Variants in NRG3 observed in about 807,000 individuals in gnomAD.
NRG3 encodes the protein pro-neuregulin-3, membrane-bound isoform.
A neutral mutation model predicts 66.9 loss-of-function variants in NRG3; 31 were observed. The observed-to-expected ratio is 0.46, with a 90% confidence interval of 0.35 to 0.63. The LOEUF is 0.63. NRG3 is among the 20% of genes least tolerant of loss of function. The probability of loss-of-function intolerance (pLI) is 0.00; values close to 1 mark genes in which losing one functional copy is unlikely to be tolerated. For missense variants in NRG3, 910 were observed against 878.9 expected (o/e 1.04, Z -0.45); for synonymous variants, 393 against 359.4 (o/e 1.09, Z -1.06).
intron 2 of NRG3, among the ~76,000 whole-genome samples, chr10:82,494,478 C>A (rs111435620): frequency 6.6e-6 from 1 of 151,196 alleles, no homozygotes; most frequent in Admixed American, 6.6e-5. Context: ...TGTGTAAGTG[C>A]GAATGTGTGT....
chr10:81,901,066 A>G (rs185546338), intron 1 of NRG3, among the ~76,000 whole-genome samples: 1 of 152,360 alleles, frequency 6.6e-6, no homozygotes, highest in East Asian at 1.9e-4. Flanking sequence ...CCTTTTCCAC[A>G]TGGTGAAGTC....
At chr10:82,443,370 AAAAT>A (rs2090545286) in intron 2 of NRG3, among the ~76,000 whole-genome samples, 1 of 152,208 alleles carries the variant, frequency 6.6e-6, no homozygotes, top group African/African-American at 2.4e-5. Flanking sequence ...AAAAAAATAA[AAAAT>A]AATTATGTTT....
chr10:82,447,492 T>C (rs1424569904), intron 2 of NRG3, among the ~76,000 whole-genome samples: 2 of 152,232 alleles, frequency 1.3e-5, no homozygotes, highest in Non-Finnish European at 2.9e-5. Context: ...GCATATATGT[T>C]CTCCAAAATT....
rs145695714 is a variant in NRG3 at position 82,657,018 on chromosome 10, A to G, written c.954-81559A>G. Among the ~76,000 whole-genome samples the G allele has an allele frequency of 7.1e-4, 108 of 152,068 alleles. 1 individual carries two copies. The highest frequency in any genetic ancestry group is 2.6e-3 in the African/African-American group (106 of 41,496). The stretch of plus-strand genomic sequence containing the variant: ...CAGGCAGGCTTCCCCACACACCCGT[A>G]TATCTCAATTCCTACTTCCTCACCT... On this transcript the variant is annotated intron_variant, in intron 2 of 8. Transcript: ENST00000372141.
At chr10:82,351,680 A>T (rs1014193935) in intron 1 of NRG3, among the ~76,000 whole-genome samples, 1 of 152,196 alleles carries the variant, frequency 6.6e-6, no homozygotes, top group South Asian at 2.1e-4. Context: ...AAGTAAGGTA[A>T]AATTTGAGCA....
intron 4 of NRG3, among the ~76,000 whole-genome samples, chr10:82,868,720 T>A (rs1464390864): frequency 6.6e-6 from 1 of 152,118 alleles, no homozygotes; most frequent in East Asian, 1.9e-4. Context: ...TGAGATGGAG[T>A]CTCACTGTAT....
chr10:82,219,467 A>G (rs2075839083), intron 1 of NRG3, among the ~76,000 whole-genome samples: 1 of 151,926 alleles, frequency 6.6e-6, no homozygotes, highest in South Asian at 2.1e-4. Context: ...ACATCTACAT[A>G]AATGTCCATT....
intron 8 of NRG3, among the ~76,000 whole-genome samples, chr10:82,980,080 C>A (rs1456913254): frequency 6.6e-6 from 1 of 151,994 alleles, no homozygotes; most frequent in Non-Finnish European, 1.5e-5. Context: ...TAGTGTGTGC[C>A]TGTGGTCCCA....
intron 2 of NRG3, among the ~76,000 whole-genome samples, chr10:82,663,582 T>A (rs2052533693): frequency 1.3e-5 from 2 of 152,228 alleles, no homozygotes; most frequent in African/African-American, 4.8e-5. Flanking sequence ...TGGTATTCAC[T>A]GACCTTTTTG....
chr10:82,843,309 C>T (rs1308966881), intron 3 of NRG3: 1 of 445,064 alleles, frequency 2.2e-6, no homozygotes, highest in Non-Finnish European at 4.5e-6. Context: ...TCTCAAAGGA[C>T]AATTTAGCTC....
intron 1 of NRG3, among the ~76,000 whole-genome samples, chr10:81,976,475 A>G (rs2060128355): frequency 6.6e-6 from 1 of 152,208 alleles, no homozygotes; most frequent in Non-Finnish European, 1.5e-5. Context: ...TCTAGCCTAG[A>G]AGGTTCAACA....
chr10:82,407,229 A>C (rs1383579060), intron 2 of NRG3, among the ~76,000 whole-genome samples: 1 of 152,106 alleles, frequency 6.6e-6, no homozygotes, highest in Non-Finnish European at 1.5e-5. Flanking sequence ...GAACAATTAA[A>C]ATTGGAATCC....
chr10:82,581,760 C>G (rs1438432928), intron 2 of NRG3, among the ~76,000 whole-genome samples: 2 of 151,896 alleles, frequency 1.3e-5, no homozygotes, highest in Admixed American at 6.6e-5. Context: ...GTGTATTTTA[C>G]CACCAAAAAA....
intron 1 of NRG3, among the ~76,000 whole-genome samples, chr10:81,927,238 TA>T (rs1846894965): frequency 6.6e-6 from 1 of 152,202 alleles, no homozygotes; most frequent in African/African-American, 2.4e-5. Context: ...AACGCCAAAT[TA>T]TTTTTTCTGT....
chr10:82,750,522 G>T (rs988155699), intron 3 of NRG3, among the ~76,000 whole-genome samples: 2 of 152,054 alleles, frequency 1.3e-5, no homozygotes, highest in African/African-American at 4.8e-5. Context: ...ATCTCCTTAG[G>T]TCCCCTTAGG....
chr10:82,684,034 CCT>C (rs10578629), intron 2 of NRG3, among the ~76,000 whole-genome samples: 118,321 of 151,894 alleles, frequency 0.78, 49,266 homozygotes, highest in East Asian at 1. Flanking sequence ...TCAGAGCGCC[CCT>C]GTGTTCACTG....
rs561916674 is a variant in NRG3 at position 82,902,429 on chromosome 10, TAGTCAAGGGGTCTTTTGTCTC to T, written c.1054+37009_1054+37029del. ...CATTCTATATTAAAGAAAGACGTAA[TAGTCAAGGGGTCTTTTGTCTC>T]AGTCAAGGGGTCTTTTTTTATGTCA... On this transcript the variant is annotated intron_variant, in intron 4 of 8. Coordinates refer to ENST00000372141, the MANE Select transcript of NRG3 (RefSeq NM_001010848.4). 3.8e-4 allele frequency among the ~76,000 whole-genome samples: 58 copies of T among 152,232 alleles called. No homozygotes were observed. The South Asian group carries it at 7.7e-3, about 20-fold the overall frequency.
At chr10:82,576,970 A>G (rs1037038055) in intron 2 of NRG3, among the ~76,000 whole-genome samples, 1 of 151,764 alleles carries the variant, frequency 6.6e-6, no homozygotes, top group Non-Finnish European at 1.5e-5. Flanking sequence ...ATCTCAAAGC[A>G]ATGAGTGACT....
intron 2 of NRG3, among the ~76,000 whole-genome samples, chr10:82,537,417 T>C (rs2043236919): frequency 6.6e-6 from 1 of 152,130 alleles, no homozygotes; most frequent in African/African-American, 2.4e-5. Flanking sequence ...CTTTCGCACC[T>C]TTGTTTTTAT....
Sources: allele counts gnomAD v4.1 joint callset (sites outside exome capture counted in the v4.1 genomes callset), GRCh38; gene constraint gnomAD v4.1.1; transcripts MANE v1.5; gene names NCBI Gene and HGNC (gene_info 2026-07-23, HGNC 2026-07-21).